FLG: variants seen among roughly 807,000 people sequenced by gnomAD.
The protein encoded by FLG is filaggrin.
In FLG, 6 loss-of-function variants were observed where a neutral mutation model predicts 3.8. The ratio of observed to expected loss-of-function variants is 1.60; its 90% confidence interval spans 0.87 to 3.15. The LOEUF (loss-of-function observed/expected upper bound fraction) is 3.15. Among genes scored for constraint, FLG ranks in the 30% most tolerant of loss-of-function variants. FLG has a pLI of 0.00. For missense variants in FLG, 7,595 were observed against 5,050.9 expected, an observed-to-expected ratio of 1.50 and a Z score of -15.27; for synonymous variants, 2,551 against 1,931.6, an observed-to-expected ratio of 1.32 and a Z score of -8.41.
chr1:152,310,947 T>C lies in FLG; in HGVS notation c.3939A>G (p.Gln1313=). 4 of 1,614,020 alleles carry C rather than the reference T, an allele frequency of 2.5e-6. No individual in the cohort carries two copies. The East Asian group carries it at 6.7e-5, about 27-fold the overall frequency. ...AGTGCCCGTGACTGGCTCTGTCTTC[T>C]TGATGGAACCCAGGGTGTCTGGAGC... The part of the protein sequence containing the change: ...RDGSRHPGFH[Q]EDRASHGHSA... Residue 1313 remains glutamine, a synonymous_variant, in exon 3 of 3, where the codon CAA becomes CAG. Transcript: ENST00000368799.
Position 152,315,492 on chromosome 1 carries a change from T to C in FLG, c.-21-15A>G. On this transcript the variant is annotated splice_polypyrimidine_tract_variant and intron_variant, in intron 1 of 2. Coordinates refer to ENST00000368799, the MANE Select transcript of FLG (RefSeq NM_002016.2). ...TAAATGTGAACCTAGAAAGAAGAAA[T>C]GAAAATGCACTTTTTTATACATCTT... 1.3e-6 allele frequency: 2 copies of C among 1,591,226 alleles called. No individual in the cohort carries two copies. Among genetic ancestry groups the C allele is most frequent in the Non-Finnish European group, 8.6e-7 (1 of 1,167,210 alleles).
Position 152,307,891 on chromosome 1 carries a change from G to T in FLG, c.6995C>A (p.Ser2332Tyr). 6.2e-7 allele frequency: 1 copy of T among 1,613,118 alleles called. No homozygotes were observed. The highest frequency in any genetic ancestry group is 1.3e-5 in the African/African-American group (1 of 74,720). Residue 2332 changes from serine to tyrosine, a missense_variant, in exon 3 of 3, where the codon TCC becomes TAC. Ser to Tyr is a moderately radical substitution (Grantham distance 144, BLOSUM62 -2). Coordinates refer to ENST00000368799, the MANE Select transcript of FLG (RefSeq NM_002016.2). ...GCTGTCTGCTGACTGCTGGTGGTGG[G>T]ATCCGTGTCTCTCTCCTGCACTTGA... is the stretch of plus-strand genomic sequence containing the variant. ...ARSSAGERHG[S>Y]HHQQSADSSR...
rs370019111 is a variant in FLG at position 152,314,993 on chromosome 1, G to A, written c.139-246C>T. 5.7e-5 allele frequency: 29 copies of A among 510,636 alleles called. No homozygotes were observed. The East Asian group carries it at 9.0e-4, about 16-fold the overall frequency. 31.6% of individuals were successfully genotyped at this position (510,636 alleles called of 1,614,324 possible). A position where few individuals can be genotyped will look rare whatever the true frequency, so the allele number is the denominator to read the frequency against. ...CTTTTTCTTATTTTAAAAGTCAGAA[G>A]TGTATATAATTCATTACTTAGTTGT... On this transcript the variant is annotated intron_variant, in intron 2 of 2. Transcript: ENST00000368799.
Position 152,303,432 on chromosome 1 carries a change from C to T in FLG, c.11454G>A (p.Gln3818=), listed in dbSNP as rs752111537. 80 of 1,613,836 alleles carry T rather than the reference C, an allele frequency of 5.0e-5. No homozygotes were observed. Among genetic ancestry groups the T allele is most frequent in the Admixed American group, 3.0e-4 (18 of 59,972 alleles). Residue 3818 remains glutamine (Q), a synonymous_variant, in exon 3 of 3, where the codon CAG becomes CAA. Coordinates refer to ENST00000368799, the MANE Select transcript of FLG (RefSeq NM_002016.2). ...CTGAGTGCCTGGAGCCGTCTCCTGA[C>T]TGTTCCTCATTACGTGTTTCTCTGC... The part of the protein sequence containing the change: ...SASRETRNEE[Q]SGDGSRHSGS...
At position 152,314,325 on chromosome 1, in the gene FLG, C is replaced by G. The variant is rs146383574; in HGVS notation, c.561G>C (p.Lys187Asn). ...TGTCTCCTAATCTAGTATTTTCAGT[C>G]TTGTTTTTCTCTTTTTTACTTGAGT... ...HHNSSKKEKN[K>N]TENTRLGDNR... The change falls in exon 3 of 3, where the codon AAG (lysine) becomes AAC (asparagine). Residue 187 changes from lysine to asparagine, a missense_variant. By Grantham distance (94) the Lys-to-Asn change is moderately conservative (BLOSUM62 0). Coordinates refer to ENST00000368799, the MANE Select transcript of FLG (RefSeq NM_002016.2). 6.2e-7 allele frequency: 1 copy of G among 1,613,010 alleles called. No individual in the cohort carries two copies. Among genetic ancestry groups the G allele is most frequent in the Non-Finnish European group, 8.5e-7 (1 of 1,179,766 alleles).
intron 1 of FLG, among the ~76,000 whole-genome samples, chr1:152,323,398 C>T (rs1653042606): frequency 6.6e-6 from 1 of 151,546 alleles, no homozygotes; most frequent in South Asian, 2.1e-4. Flanking sequence ...ACACATTTAA[C>T]CAATAAAGGA....
At position 152,313,995 on chromosome 1, in the gene FLG, A is replaced by C. The variant is rs1210584508; in HGVS notation, c.891T>G (p.Val297=). The C allele has an allele frequency of 6.2e-7, 1 of 1,614,130 alleles. No individual in the cohort carries two copies. The highest frequency in any genetic ancestry group is 1.7e-5 in the Admixed American group (1 of 60,020). The stretch of plus-strand genomic sequence containing the variant: ...GTCCCTCACTGTCCCTGTCCTGGCT[A>C]ACTCTGGATCCCCTACGCTTTCTTG... ...SRTRKRRGSR[V]SQDRDSEGHS... is the part of the protein sequence containing the mutation. The change falls in exon 3 of 3, where the codon GTT becomes GTG. Residue 297 remains valine (V), a synonymous_variant. Transcript: ENST00000368799.
rs749839003 is a variant in FLG, at chr1:152,311,067, G to C, written c.3819C>G (p.Asp1273Glu). Residue 1273 changes from aspartate (D) to glutamate (E), a missense_variant, in exon 3 of 3, where the codon GAC (aspartate) becomes GAG (glutamate). Physicochemically the swap from Asp to Glu is conservative, Grantham distance 45. Coordinates refer to ENST00000368799, the MANE Select transcript of FLG (RefSeq NM_002016.2). ...CGTCTGAGTGTCTCTCACTGTCACT[G>C]TCCTGGCTAACACTGGATCCCTGGT... ...SRHQGSSVSQ[D>E]SDSERHSDDS... is the part of the protein sequence containing the mutation. 2 of 1,613,896 alleles carry C rather than the reference G, an allele frequency of 1.2e-6. No homozygotes were observed. Among genetic ancestry groups the C allele is most frequent in the South Asian group, 1.1e-5 (1 of 91,060 alleles).
Position 152,303,501 on chromosome 1 carries a change from T to A in FLG, c.11385A>T (p.Gly3795=), listed in dbSNP as rs371396249. The change falls in exon 3 of 3, where the codon GGA becomes GGT. Residue 3795 remains glycine, a synonymous_variant. Transcript: ENST00000368799. ...GSHHSHTTSQ[G]RSDASHGQSG... ...ACTGCCCATGGGAGGCATCAGACCTTCCCTGGGATGTGGTGTGGCTGTGAT... is the reference window on the plus strand; with the variant it reads ...ACTGCCCATGGGAGGCATCAGACCTACCCTGGGATGTGGTGTGGCTGTGAT... 1 of 1,614,058 alleles carries A rather than the reference T, an allele frequency of 6.2e-7. No homozygotes were observed. The highest frequency in any genetic ancestry group is 8.5e-7 in the Non-Finnish European group (1 of 1,180,012).
Position 152,313,642 on chromosome 1 carries a change from CG to C in FLG, c.1243del (p.Arg415GlyfsTer31). 1.2e-6 allele frequency: 2 copies of C among 1,614,048 alleles called. No individual in the cohort carries two copies. Among genetic ancestry groups the C allele is most frequent in the Non-Finnish European group, 1.7e-6 (2 of 1,180,016 alleles). On this transcript the variant is annotated frameshift_variant, in exon 3 of 3. Coordinates refer to ENST00000368799, the MANE Select transcript of FLG (RefSeq NM_002016.2). LOFTEE classifies it low-confidence loss of function (END_TRUNC). ...ASSAVSDRGHRGSSGSQASDS... is the reference protein window; with the variant it reads ...ASSAVSDRGHXGSSGSQASDS... ...ACTGGCCTGACTACCGCTAGACCCC[CG>C]GTGTCCACGATCGCTGACTGCAGAT...
At position 152,310,000 on chromosome 1, in the gene FLG, C is replaced by T; in HGVS notation, c.4886G>A (p.Gly1629Asp). The T allele has an allele frequency of 6.2e-7, 1 of 1,613,972 alleles. No individual in the cohort carries two copies. Among genetic ancestry groups the T allele is most frequent in the Non-Finnish European group, 8.5e-7 (1 of 1,180,008 alleles). Residue 1629 changes from glycine to aspartate, a missense_variant, in exon 3 of 3, where the codon GGC becomes GAC. Coordinates refer to ENST00000368799, the MANE Select transcript of FLG (RefSeq NM_002016.2). ...TTGATGGGACCTGGGGTTCCTGGAG[C>T]CATGTCTTGACTGCTCCCGAGCAGA... ...YGSAREQSRH[G>D]SRNPRSHQED...
At position 152,308,305 on chromosome 1, in the gene FLG, T is replaced by C. The variant is rs745913782; in HGVS notation, c.6581A>G (p.Tyr2194Cys). ...GCCATCTCCTGATTGTTCCTTGTCA[T>C]ATGTTTTTCTGCTTGCACTTCTGGA... ...SGSRSASRKT[Y>C]DKEQSGDGSR... Residue 2194 changes from tyrosine to cysteine, a missense_variant, in exon 3 of 3, where the codon TAT (tyrosine) becomes TGT (cysteine). Tyr to Cys is a radical substitution (Grantham distance 194, BLOSUM62 -2). Coordinates refer to ENST00000368799, the MANE Select transcript of FLG (RefSeq NM_002016.2). 2 of 1,613,502 alleles carry C rather than the reference T, an allele frequency of 1.2e-6. No homozygotes were observed. The highest frequency in any genetic ancestry group is 2.2e-5 in the South Asian group (2 of 91,048).
chr1:152,310,592 C>G lies in FLG; in HGVS notation c.4294G>C (p.Gly1432Arg). 1 of 1,613,972 alleles carries G rather than the reference C, an allele frequency of 6.2e-7. No individual in the cohort carries two copies. Among genetic ancestry groups the G allele is most frequent in the Non-Finnish European group, 8.5e-7 (1 of 1,179,976 alleles). Residue 1432 changes from glycine to arginine, a missense_variant, in exon 3 of 3, where the codon GGG becomes CGG. Coordinates refer to ENST00000368799, the MANE Select transcript of FLG (RefSeq NM_002016.2). ...GACCTTGAACGTCCAGAGCTTTCCCCTGACTGGCCACGTGCGGACTCTTTG... is the reference window on the plus strand; with the variant it reads ...GACCTTGAACGTCCAGAGCTTTCCCGTGACTGGCCACGTGCGGACTCTTTG... ...SHKESARGQS[G>R]ESSGRSRSFL...
rs374409476 is a variant in FLG at position 152,310,398 on chromosome 1, G to C, written c.4488C>G (p.Ser1496Arg). ...GGTAGGATCCCTGCCTTCCTCCTCTGCTTGACCCCGGGTGTCCACGAATGG... is the reference window on the plus strand; with the variant it reads ...GGTAGGATCCCTGCCTTCCTCCTCTCCTTGACCCCGGGTGTCCACGAATGG... ...QDTIRGHPGSSRGGRQGSYHE... is the reference protein window; with the variant it reads ...QDTIRGHPGSRRGGRQGSYHE... The change falls in exon 3 of 3, where the codon AGC (serine) becomes AGG (arginine). Residue 1496 changes from serine (S) to arginine (R), a missense_variant. Transcript: ENST00000368799. 7 of 1,613,388 alleles carry C rather than the reference G, an allele frequency of 4.3e-6. No individual in the cohort carries two copies. Among genetic ancestry groups the C allele is most frequent in the East Asian group, 2.2e-5 (1 of 44,824 alleles).
In FLG at chr1:152,309,717, C is replaced by A. The variant is rs1165565339; in HGVS notation, c.5169G>T (p.Glu1723Asp). The A allele has an allele frequency of 1.2e-6, 2 of 1,613,972 alleles. No individual in the cohort carries two copies. Among genetic ancestry groups the A allele is most frequent in the African/African-American group, 2.7e-5 (2 of 74,896 alleles). The change falls in exon 3 of 3, where the codon GAG becomes GAT. Residue 1723 changes from glutamate to aspartate, a missense_variant. Coordinates refer to ENST00000368799, the MANE Select transcript of FLG (RefSeq NM_002016.2). ...GSSGSQASDS[E>D]GHSEESDTQS... The stretch of plus-strand genomic sequence containing the variant: ...GTGTGTCTGACTCTTCTGAGTGTCC[C>A]TCGCTGTCACTGGCCTGGCTACCAC...
chr1:152,322,871 A>ATTAATCTTTCTAAAATTT (rs1653024959), intron 1 of FLG, among the ~76,000 whole-genome samples: 1 of 151,418 alleles, frequency 6.6e-6, no homozygotes, highest in African/African-American at 2.4e-5. Flanking sequence ...AATAAAGATT[A>ATTAATCTTTCTAAAATTT]ATAAGGTGAT....
Position 152,310,195 on chromosome 1 carries a change from G to C in FLG, c.4691C>G (p.Pro1564Arg), listed in dbSNP as rs188051186. 1 of 1,613,778 alleles carries C rather than the reference G, an allele frequency of 6.2e-7. No homozygotes were observed. Among genetic ancestry groups the C allele is most frequent in the Non-Finnish European group, 8.5e-7 (1 of 1,179,966 alleles). Reference protein sequence around the residue: ...SRHSGSRHHEPSTRAGSSRHS... With the variant: ...SRHSGSRHHERSTRAGSSRHS... ...TCTAGAGCTGCCGGCCCGAGTGGAA[G>C]GTTCATGGTGACGTGACCCTGAGTG... The change falls in exon 3 of 3, where the codon CCT (proline) becomes CGT (arginine). Residue 1564 changes from proline to arginine, a missense_variant. By Grantham distance (103) the Pro-to-Arg change is moderately radical. Coordinates refer to ENST00000368799, the MANE Select transcript of FLG (RefSeq NM_002016.2).
At chr1:152,316,498 A>G (rs2101655170) in intron 1 of FLG, among the ~76,000 whole-genome samples, 1 of 152,226 alleles carries the variant, frequency 6.6e-6, no homozygotes, top group African/African-American at 2.4e-5. Context: ...ATAGAATTAC[A>G]AATAATTTTA....
chr1:152,313,741 T>C lies in FLG; in HGVS notation c.1145A>G (p.Glu382Gly). 6.2e-7 allele frequency: 1 copy of C among 1,614,068 alleles called. No homozygotes were observed. Among genetic ancestry groups the C allele is most frequent in the Non-Finnish European group, 8.5e-7 (1 of 1,179,980 alleles). The part of the protein sequence containing the change: ...SHEQARSSPG[E>G]RHGSGHQQSA... ...CTGCTGGTGGCCGGATCCATGTCTT[T>C]CTCCTGGACTTGATCTTGCCTGTTC... Residue 382 changes from glutamate (E) to glycine (G), a missense_variant, in exon 3 of 3, where the codon GAA (glutamate) becomes GGA (glycine). Coordinates refer to ENST00000368799, the MANE Select transcript of FLG (RefSeq NM_002016.2).
Sources: allele counts gnomAD v4.1 joint callset (sites outside exome capture counted in the v4.1 genomes callset), GRCh38; gene constraint gnomAD v4.1.1; transcripts MANE v1.5; gene names NCBI Gene and HGNC (gene_info 2026-07-23, HGNC 2026-07-21).